Variants in IGF2R observed in about 807,000 individuals in gnomAD.
IGF2R encodes cation-independent mannose-6-phosphate receptor.
In IGF2R, 91 loss-of-function variants were observed where a neutral mutation model predicts 270.6. That is an observed-to-expected ratio of 0.34 (90% CI 0.28 to 0.40). IGF2R has a LOEUF of 0.40. IGF2R is among the 10% of genes least tolerant of loss of function. The pLI, the probability that IGF2R is intolerant of heterozygous loss-of-function variation, is 1.00. For synonymous variants in IGF2R, 1,316 were observed against 1,258.9 expected, an observed-to-expected ratio of 1.05 and a Z score of -0.96; for missense variants, 2,805 against 3,188.3, an observed-to-expected ratio of 0.88 and a Z score of 2.90.
chr6:160,099,336 G>A (rs1374673312), intron 45 of IGF2R, among the ~76,000 whole-genome samples: 1 of 91,624 alleles, frequency 1.1e-5, no homozygotes, highest in African/African-American at 4.7e-5. Context: ...TCAGCTTTAT[G>A]TTATGTTATG....
Position 160,046,515 on chromosome 6 carries a change from T to A in IGF2R, c.1921T>A (p.Ser641Thr). 6.2e-7 allele frequency: 1 copy of A among 1,609,456 alleles called. No individual in the cohort carries two copies. The highest frequency in any genetic ancestry group is 8.5e-7 in the Non-Finnish European group (1 of 1,179,018). ...TTTCTTAGGGTTTTCTTTTGACTTATCACCTCTCACAAAGAAAAATGGTGC... is the reference window on the plus strand; with the variant it reads ...TTTCTTAGGGTTTTCTTTTGACTTAACACCTCTCACAAAGAAAAATGGTGC... ...DSQAGFSFDL[S>T]PLTKKNGAYK... The change falls in exon 15 of 48, where the codon TCA becomes ACA. Residue 641 changes from serine to threonine, a missense_variant. Physicochemically the swap from Ser to Thr is moderately conservative, Grantham distance 58. Around this residue, in one of 2 missense-constraint regions of IGF2R, gnomAD observed 954 missense variants for 981.1 expected, o/e 0.97. Coordinates refer to ENST00000356956, the MANE Select transcript of IGF2R (RefSeq NM_000876.4).
chr6:159,976,731 A>C (rs749342793), intron 1 of IGF2R, among the ~76,000 whole-genome samples: 2 of 151,846 alleles, frequency 1.3e-5, no homozygotes, highest in Admixed American at 6.6e-5. Flanking sequence ...GGACCCACTA[A>C]ATTTTTAGAT....
chr6:160,081,258 T>C (rs537293889), intron 39 of IGF2R, among the ~76,000 whole-genome samples: 1 of 151,286 alleles, frequency 6.6e-6, no homozygotes, highest in East Asian at 1.9e-4. Context: ...GGGGAAAGAG[T>C]ACAAAAGAGA....
intron 10 of IGF2R, among the ~76,000 whole-genome samples, chr6:160,038,345 T>C (rs1481471705): frequency 1.3e-5 from 2 of 152,082 alleles, no homozygotes; most frequent in Non-Finnish European, 2.9e-5. Context: ...ACCCAAGTGG[T>C]TTGGGAGAGG....
At chr6:160,077,942 G>A (rs1778889697) in intron 36 of IGF2R, among the ~76,000 whole-genome samples, 1 of 152,216 alleles carries the variant, frequency 6.6e-6, no homozygotes, top group African/African-American at 2.4e-5. Flanking sequence ...CCGTAGCACA[G>A]AACATTGAGG....
intron 5 of IGF2R, among the ~76,000 whole-genome samples, chr6:160,026,020 C>T (rs910803906): frequency 3.3e-5 from 5 of 152,164 alleles, no homozygotes; most frequent in African/African-American, 7.2e-5. Flanking sequence ...TTCTCCATTC[C>T]CAGGAAATTG....
At chr6:160,087,487 G>T (rs1005632308) in intron 41 of IGF2R, among the ~76,000 whole-genome samples, 3 of 152,214 alleles carry the variant, frequency 2.0e-5, no homozygotes, top group Non-Finnish European at 2.9e-5. Flanking sequence ...AAGTACGGGA[G>T]TAGGAGGGTT....
chr6:159,986,428 GTGTTTTTTT>G (rs764836052), intron 1 of IGF2R, among the ~76,000 whole-genome samples: 1 of 116,360 alleles, frequency 8.6e-6, no homozygotes, highest in East Asian at 3.9e-4. Context: ...GTGTGTGTGT[GTGTTTTTTT>G]TTTTTTTTTA....
chr6:159,969,850 T>C (rs1783581714), intron 1 of IGF2R, among the ~76,000 whole-genome samples: 2 of 152,194 alleles, frequency 1.3e-5, no homozygotes, highest in Admixed American at 1.3e-4. Flanking sequence ...ACCGGGGCGT[T>C]GGAGCCCGCA....
rs78871814 is a variant in IGF2R, at chr6:160,029,958, C to T, written c.882+303C>T. On this transcript the variant is annotated intron_variant, in intron 7 of 47. Coordinates refer to ENST00000356956, the MANE Select transcript of IGF2R (RefSeq NM_000876.4). ...CTGTGAGATTATTTTAAGTAGTTCA[C>T]GGACAGATTTTTTTTTGGTAGTTGG... is the stretch of plus-strand genomic sequence containing the variant. Among the ~76,000 whole-genome samples the T allele has an allele frequency of 2.3e-3, 348 of 152,256 alleles. 5 individuals carry two copies. Among genetic ancestry groups the T allele is most frequent in the African/African-American group, 8.1e-3 (337 of 41,538 alleles).
intron 44 of IGF2R, chr6:160,094,051 C>T (rs1248651086): frequency 1.1e-5 from 6 of 558,740 alleles, no homozygotes; most frequent in African/African-American, 7.5e-5. Context: ...TGGAACTTGA[C>T]AGTCCTCCTG....
chr6:159,982,391 A>G (rs1783820159), intron 1 of IGF2R, among the ~76,000 whole-genome samples: 1 of 152,240 alleles, frequency 6.6e-6, no homozygotes, highest in Admixed American at 6.5e-5. Flanking sequence ...GTGCATGTCG[A>G]AAGTAGGAGA....
chr6:160,063,656 TG>T, intron 27 of IGF2R, 26 bp downstream of exon 27: 1 of 1,547,672 alleles, frequency 6.5e-7, no homozygotes, highest in Non-Finnish European at 8.9e-7. Context: ...GTTTTCCTTT[TG>T]TTGCAAAGGA....
chr6:160,027,027 T>C (rs1777575359), intron 5 of IGF2R, among the ~76,000 whole-genome samples, 158 bp from the exon 6 acceptor site: 1 of 152,214 alleles, frequency 6.6e-6, no homozygotes, highest in Non-Finnish European at 1.5e-5. Context: ...CTGAGCTTTG[T>C]TTGCAGAGGG....
intron 46 of IGF2R, among the ~76,000 whole-genome samples, chr6:160,103,342 T>C (rs994513117): frequency 6.7e-6 from 1 of 149,460 alleles, no homozygotes; most frequent in African/African-American, 2.5e-5. Context: ...AAAGTACCGA[T>C]TGTGGCCCTC....
rs1421101245 is a variant in IGF2R, at chr6:160,088,021, T to C, written c.6206-12T>C. 2 of 1,522,110 alleles carry C rather than the reference T, an allele frequency of 1.3e-6. No individual in the cohort carries two copies. Among genetic ancestry groups the C allele is most frequent in the Admixed American group, 1.7e-5 (1 of 59,914 alleles). The allele number at this position is 1,522,110 out of a possible 1,614,324, so 94.3% of individuals were successfully genotyped here. ...TAGAAATAATGTCAGTTCAATCATT[T>C]GTGTGTTTCAGGTGACAAAGTTGTT... On this transcript the variant is annotated splice_polypyrimidine_tract_variant and intron_variant, in intron 41 of 47. Coordinates refer to ENST00000356956, the MANE Select transcript of IGF2R (RefSeq NM_000876.4).
At position 159,969,142 on chromosome 6, in the gene IGF2R, T is replaced by A; in HGVS notation, c.-105T>A. On this transcript the variant is annotated 5_prime_UTR_variant, in exon 1 of 48. Transcript: ENST00000356956. The stretch of plus-strand genomic sequence containing the variant: ...GCTCACCTCGGGCTCCCGCTCCGTC[T>A]CCACCTCCGCCTTTGCCCTGGCGGC... The A allele has an allele frequency of 1.6e-6, 1 of 638,768 alleles. No homozygotes were observed. Among genetic ancestry groups the A allele is most frequent in the Non-Finnish European group, 1.9e-6 (1 of 514,444 alleles). The allele number at this position is 638,768 out of a possible 1,614,324, so 39.6% of individuals were successfully genotyped here. A position where few individuals can be genotyped will look rare whatever the true frequency, so the allele number is the denominator to read the frequency against.
At chr6:159,976,178 G>A (rs971031366) in intron 1 of IGF2R, among the ~76,000 whole-genome samples, 1 of 151,946 alleles carries the variant, frequency 6.6e-6, no homozygotes, top group South Asian at 2.1e-4. Context: ...GTTTTTTCTA[G>A]TTTTATTTTC....
At chr6:160,034,228 A>G (rs1308557369) in intron 9 of IGF2R, among the ~76,000 whole-genome samples, 191 bp from the exon 10 acceptor site, 4 of 152,224 alleles carry the variant, frequency 2.6e-5, no homozygotes, top group Non-Finnish European at 5.9e-5. Flanking sequence ...AAGCGAGAGG[A>G]TGTCAAGTCC....
Sources: gnomAD v4.1 joint callset for allele counts (sites outside exome capture counted in the v4.1 genomes callset) on GRCh38, gnomAD v4.1.1 for gene constraint, gnomAD v4.1.1 regional missense constraint, MANE v1.5 for transcripts, NCBI Gene and HGNC (gene_info 2026-07-23, HGNC 2026-07-21) for gene names.